SLC16A7: variants seen among roughly 807,000 people sequenced by gnomAD.
SLC16A7 encodes the protein solute carrier family 16 member 7.
In SLC16A7, 33 loss-of-function variants were observed where a neutral mutation model predicts 34.9. That is an observed-to-expected ratio of 0.94 (90% CI 0.72 to 1.26). The LOEUF (loss-of-function observed/expected upper bound fraction) is 1.26, where lower values mean the gene tolerates loss of function less well. Ranked by LOEUF, SLC16A7 falls within the 50% of genes most tolerant of loss-of-function variation. The pLI is 0.00. For synonymous variants in SLC16A7, 201 were observed against 206.6 expected, an observed-to-expected ratio of 0.97 and a Z score of 0.23; for missense variants, 573 against 578.1, an observed-to-expected ratio of 0.99 and a Z score of 0.09.
rs550300341 is a variant in SLC16A7 at position 59,788,076 on chromosome 12, C to A, written c.*8397C>A. The A allele has an allele frequency of 1.3e-5, 2 of 151,876 alleles. No individual in the cohort carries two copies. The highest frequency in any genetic ancestry group is 4.9e-5 in the African/African-American group (2 of 41,218). 9.4% of individuals were successfully genotyped at this position (151,876 alleles called of 1,614,324 possible). ...TAATTATTTCCTAGAATGAATAATT[C>A]TCCTTTTTTGATAGATTTTTGAAAT... On this transcript the variant is annotated 3_prime_UTR_variant, in exon 6 of 6. Coordinates refer to ENST00000547379, the MANE Select transcript of SLC16A7 (RefSeq NM_001270623.2).
intron 1 of SLC16A7, among the ~76,000 whole-genome samples, chr12:59,653,820 G>C (rs1371494601): frequency 6.6e-6 from 1 of 151,468 alleles, no homozygotes; most frequent in Non-Finnish European, 1.5e-5. Context: ...AAGTGCTATC[G>C]AAATGACCTC....
At chr12:59,776,779 G>A (rs1254202810) in intron 5 of SLC16A7, among the ~76,000 whole-genome samples, 5 of 151,730 alleles carry the variant, frequency 3.3e-5, no homozygotes, top group African/African-American at 1.2e-4. Flanking sequence ...GCTATCCTAT[G>A]GTATCTAGCA....
chr12:59,672,774 A>T (rs1375328296), intron 2 of SLC16A7, among the ~76,000 whole-genome samples: 3 of 152,172 alleles, frequency 2.0e-5, no homozygotes, highest in Non-Finnish European at 1.5e-5. Context: ...TCTAAAGTGC[A>T]TCACAGTTCT....
intron 4 of SLC16A7, among the ~76,000 whole-genome samples, chr12:59,772,807 G>T (rs563017653): frequency 4.6e-5 from 7 of 152,156 alleles, no homozygotes; most frequent in Non-Finnish European, 5.9e-5. Flanking sequence ...ATAAATATTT[G>T]CAAATAATCA....
intron 1 of SLC16A7, among the ~76,000 whole-genome samples, chr12:59,606,306 A>G (rs893441395): frequency 2.0e-5 from 3 of 152,220 alleles, no homozygotes; most frequent in African/African-American, 7.2e-5. Context: ...TAGTAATACC[A>G]GTTGGGAATA....
At chr12:59,738,428 C>T (rs1401758267) in intron 3 of SLC16A7, among the ~76,000 whole-genome samples, 1 of 152,100 alleles carries the variant, frequency 6.6e-6, no homozygotes, top group Non-Finnish European at 1.5e-5. Context: ...TGCTATTTCT[C>T]ATGGACCAAT....
At chr12:59,746,534 A>G (rs563570929) in intron 3 of SLC16A7, among the ~76,000 whole-genome samples, 369 of 152,292 alleles carry the variant, frequency 2.4e-3, no homozygotes, top group African/African-American at 8.1e-3. Context: ...GTGAGATGAG[A>G]AGATGGCTTC....
At chr12:59,649,555 C>T (rs1868305706) in intron 1 of SLC16A7, among the ~76,000 whole-genome samples, 1 of 152,118 alleles carries the variant, frequency 6.6e-6, no homozygotes, top group Non-Finnish European at 1.5e-5. Flanking sequence ...GTGCTTGGGG[C>T]TGATACAGGA....
chr12:59,616,957 T>C (rs1879480938), intron 1 of SLC16A7, among the ~76,000 whole-genome samples: 1 of 152,166 alleles, frequency 6.6e-6, no homozygotes, highest in Admixed American at 6.5e-5. Flanking sequence ...TAGGTTTTGT[T>C]ATATGTTATA....
At chr12:59,628,493 C>T (rs569742949) in intron 1 of SLC16A7, among the ~76,000 whole-genome samples, 32 of 151,890 alleles carry the variant, frequency 2.1e-4, no homozygotes, top group Admixed American at 1.1e-3. Flanking sequence ...TAGGAAATTA[C>T]GCCGGAGTCC....
intron 1 of SLC16A7, among the ~76,000 whole-genome samples, chr12:59,654,299 A>G (rs574287697): frequency 6.2e-4 from 94 of 151,446 alleles, no homozygotes; most frequent in Non-Finnish European, 1.1e-3. Flanking sequence ...CAATTATTAT[A>G]ATCAATAACA....
Position 59,769,000 on chromosome 12 carries a change from C to T in SLC16A7, c.218-2219C>T, listed in dbSNP as rs1881963783. ...GTGACAGAGCAAGACTCTGTCTCAA[C>T]AACAACAACAAAAGATTGCCATAGC... is the stretch of plus-strand genomic sequence containing the variant. On this transcript the variant is annotated intron_variant, in intron 3 of 5. Transcript: ENST00000547379. 2.0e-5 allele frequency: 3 copies of T among 151,360 alleles called. No individual in the cohort carries two copies. In the South Asian group the frequency reaches 6.3e-4, roughly 32 times the overall value. The allele number at this position is 151,360 out of a possible 1,614,324, so 9.4% of individuals were successfully genotyped here.
intron 1 of SLC16A7, chr12:59,597,222 T>TACACACACACACACACAC (rs57912392): frequency 2.2e-5 from 3 of 134,558 alleles, no homozygotes; most frequent in African/African-American, 5.7e-5. Flanking sequence ...ATTAAAATTT[T>TACACACACACACACACAC]ACACACACAC....
chr12:59,717,721 A>G (rs1808410140), intron 3 of SLC16A7, among the ~76,000 whole-genome samples: 1 of 152,170 alleles, frequency 6.6e-6, no homozygotes, highest in Admixed American at 6.5e-5. Flanking sequence ...TCTGTGCCCT[A>G]TAAACACTCC....
At chr12:59,711,056 C>A (rs558817568) in intron 3 of SLC16A7, among the ~76,000 whole-genome samples, 2 of 152,192 alleles carry the variant, frequency 1.3e-5, no homozygotes, top group South Asian at 4.1e-4. Flanking sequence ...AGGAAGACTG[C>A]CACTATTCCC....
chr12:59,776,639 T>C (rs1882785247), intron 5 of SLC16A7, among the ~76,000 whole-genome samples: 1 of 152,164 alleles, frequency 6.6e-6, no homozygotes, highest in Non-Finnish European at 1.5e-5. Flanking sequence ...TGAAAAGTTA[T>C]GTTTAATTTG....
intron 3 of SLC16A7, among the ~76,000 whole-genome samples, chr12:59,726,240 G>A (rs548471534): frequency 7.2e-5 from 11 of 152,248 alleles, no homozygotes; most frequent in East Asian, 1.9e-4. Context: ...TAAAAGTGAC[G>A]TGAGACTCTT....
intron 1 of SLC16A7, among the ~76,000 whole-genome samples, chr12:59,610,708 G>C (rs1459663048): frequency 6.6e-6 from 1 of 152,166 alleles, no homozygotes; most frequent in Non-Finnish European, 1.5e-5. Flanking sequence ...CCCTCTGATA[G>C]GAAACATAAA....
intron 3 of SLC16A7, among the ~76,000 whole-genome samples, chr12:59,756,844 T>C (rs1188699265): frequency 7.6e-6 from 1 of 131,988 alleles, no homozygotes. Context: ...TAGCAAAGAC[T>C]TGGAACCAAC....
Sources: allele counts gnomAD v4.1 joint callset (sites outside exome capture counted in the v4.1 genomes callset), GRCh38; gene constraint gnomAD v4.1.1; transcripts MANE v1.5; gene names NCBI Gene and HGNC (gene_info 2026-07-23, HGNC 2026-07-21).